Variants in CNTN4 observed in about 807,000 individuals in gnomAD.
The protein encoded by CNTN4 is contactin-4.
A neutral mutation model predicts 122.5 loss-of-function variants in CNTN4; 77 were observed. The observed-to-expected ratio is 0.63, with a 90% confidence interval of 0.52 to 0.76. The LOEUF is 0.76. Among genes scored for constraint, CNTN4 ranks in the 30% least tolerant of loss-of-function variants. CNTN4 has a pLI of 0.00. For missense variants in CNTN4, 1,256 were observed against 1,259.1 expected (o/e 1.00, Z 0.04); for synonymous variants, 512 against 447.0 (o/e 1.15, Z -1.83).
chr3:2,512,780 C>T (rs921806764), intron 3 of CNTN4, among the ~76,000 whole-genome samples: 2 of 152,158 alleles, frequency 1.3e-5, no homozygotes, highest in African/African-American at 4.8e-5. Flanking sequence ...GAGCTTGAGA[C>T]CATGGAGCCT....
rs1477969735 is a variant in CNTN4 at position 2,260,250 on chromosome 3, T to C, written c.-144-78928T>C. Among the ~76,000 whole-genome samples the C allele has an allele frequency of 2.6e-5, 4 of 152,034 alleles. No homozygotes were observed. The East Asian group carries it at 7.7e-4, about 29-fold the overall frequency. On this transcript the variant is annotated intron_variant, in intron 2 of 24. Coordinates refer to ENST00000418658, the MANE Select transcript of CNTN4 (RefSeq NM_175607.3). ...GGTGATTGTTTGTTGCAGGAGGGTG[T>C]CCTGCGCATTATAGGAAGTTCAGCA... is the stretch of plus-strand genomic sequence containing the variant.
chr3:2,497,254 C>A (rs1473584974), intron 3 of CNTN4, among the ~76,000 whole-genome samples: 1 of 152,072 alleles, frequency 6.6e-6, no homozygotes, highest in East Asian at 1.9e-4. Flanking sequence ...CTTCTCACTA[C>A]AACCTTTAAT....
intron 3 of CNTN4, among the ~76,000 whole-genome samples, chr3:2,480,927 A>G (rs1478807269): frequency 3.3e-5 from 5 of 152,218 alleles, no homozygotes; most frequent in Non-Finnish European, 7.3e-5. Flanking sequence ...GAGCCCAGAA[A>G]TATATCCACA....
chr3:2,806,931 TC>T (rs10707914), intron 6 of CNTN4, among the ~76,000 whole-genome samples: 2,014 of 152,298 alleles, frequency 0.013, 39 homozygotes, highest in African/African-American at 0.046. Flanking sequence ...CATATTAACA[TC>T]CCCTATCCGG....
chr3:3,046,143 T>C (rs1687029800), intron 23 of CNTN4, among the ~76,000 whole-genome samples: 1 of 152,216 alleles, frequency 6.6e-6, no homozygotes, highest in Non-Finnish European at 1.5e-5. Context: ...AGACCAAATC[T>C]ACGTCTGATT....
intron 6 of CNTN4, among the ~76,000 whole-genome samples, chr3:2,806,326 T>C (rs545654371): frequency 6.6e-6 from 1 of 152,324 alleles, no homozygotes; most frequent in East Asian, 1.9e-4. Context: ...ATTGTAAACG[T>C]CTTGAGATCA....
At chr3:2,381,426 G>T (rs886896280) in intron 3 of CNTN4, among the ~76,000 whole-genome samples, 1 of 152,162 alleles carries the variant, frequency 6.6e-6, no homozygotes, top group Non-Finnish European at 1.5e-5. Flanking sequence ...ATCAGATCAA[G>T]TTTCACCTTC....
chr3:2,926,480 C>A (rs1002886239), intron 13 of CNTN4, among the ~76,000 whole-genome samples: 3 of 152,116 alleles, frequency 2.0e-5, no homozygotes, highest in African/African-American at 7.2e-5. Context: ...TTGGCTGTCA[C>A]CCCTGTAAAA....
In CNTN4 at chr3:2,241,878, C is replaced by T. The variant is rs550366180; in HGVS notation, c.-144-97300C>T. 2.6e-5 allele frequency among the ~76,000 whole-genome samples: 4 copies of T among 152,144 alleles called. No individual in the cohort carries two copies. The South Asian group carries it at 6.2e-4, about 24-fold the overall frequency. ...GAGTGTTGTGTTTGCGGTGGGTGGG[C>T]CAATTATTTCTGTTCCTTTTCAAAG... is the stretch of plus-strand genomic sequence containing the variant. On this transcript the variant is annotated intron_variant, in intron 2 of 24. Coordinates refer to ENST00000418658, the MANE Select transcript of CNTN4 (RefSeq NM_175607.3).
At chr3:2,306,332 A>G (rs1016891736) in intron 2 of CNTN4, among the ~76,000 whole-genome samples, 5 of 152,176 alleles carry the variant, frequency 3.3e-5, no homozygotes, top group Admixed American at 2.0e-4. Flanking sequence ...TTTTTTAACT[A>G]TAGTCATCTA....
intron 6 of CNTN4, among the ~76,000 whole-genome samples, chr3:2,768,966 G>A: frequency 6.6e-6 from 1 of 152,270 alleles, no homozygotes; most frequent in East Asian, 1.9e-4. Flanking sequence ...TTGACTTCAA[G>A]TCTTGAAGTC....
chr3:3,033,963 C>G (rs1172924996), intron 16 of CNTN4, among the ~76,000 whole-genome samples: 2 of 152,222 alleles, frequency 1.3e-5, no homozygotes, highest in East Asian at 1.9e-4. Flanking sequence ...TCTTTAGTAT[C>G]TAGCCTAATT....
At chr3:2,128,409 A>G (rs145418554) in intron 2 of CNTN4, among the ~76,000 whole-genome samples, 5 of 152,300 alleles carry the variant, frequency 3.3e-5, no homozygotes, top group African/African-American at 1.2e-4. Context: ...AAGAATTATC[A>G]TTACTGTTTT....
chr3:3,039,254 C>A (rs1367217240), intron 19 of CNTN4: 10 of 403,688 alleles, frequency 2.5e-5, no homozygotes, highest in Middle Eastern at 7.0e-4. Context: ...ACACACGTTA[C>A]AAAAAAAAAT....
At chr3:2,505,232 A>C (rs923749935) in intron 3 of CNTN4, among the ~76,000 whole-genome samples, 9 of 152,192 alleles carry the variant, frequency 5.9e-5, no homozygotes, top group Admixed American at 5.9e-4. Context: ...TCTAAAAATG[A>C]GTATGACAGA....
At chr3:3,012,878 G>C (rs989760605) in intron 14 of CNTN4, among the ~76,000 whole-genome samples, 1 of 151,600 alleles carries the variant, frequency 6.6e-6, no homozygotes, top group African/African-American at 2.4e-5. Flanking sequence ...TGAGGCGAGA[G>C]AATTGCTTGA....
At chr3:2,746,891 T>C (rs1236522143) in intron 6 of CNTN4, among the ~76,000 whole-genome samples, 1 of 152,184 alleles carries the variant, frequency 6.6e-6, no homozygotes, top group African/African-American at 2.4e-5. Context: ...AGAACCAAAG[T>C]GTTTCTTTCT....
At chr3:2,788,468 A>G (rs1161981932) in intron 6 of CNTN4, among the ~76,000 whole-genome samples, 1 of 152,260 alleles carries the variant, frequency 6.6e-6, no homozygotes, top group Admixed American at 6.5e-5. Flanking sequence ...CCCATTCACA[A>G]CATTCTTACT....
Position 2,201,945 on chromosome 3 carries a change from G to A in CNTN4, c.-145+101306G>A, listed in dbSNP as rs181744460. On this transcript the variant is annotated intron_variant, in intron 2 of 24. Coordinates refer to ENST00000418658, the MANE Select transcript of CNTN4 (RefSeq NM_175607.3). ...TCTTTTCCCAATCCTTCTCAAACTC[G>A]TCTACACTTCCCACATATAAAATAA... 9.3e-5 allele frequency among the ~76,000 whole-genome samples: 14 copies of A among 151,106 alleles called. No homozygotes were observed. The East Asian group carries it at 1.4e-3, about 15-fold the overall frequency.
Sources: gnomAD v4.1 joint callset for allele counts (sites outside exome capture counted in the v4.1 genomes callset) on GRCh38, gnomAD v4.1.1 for gene constraint, MANE v1.5 for transcripts, NCBI Gene and HGNC (gene_info 2026-07-23, HGNC 2026-07-21) for gene names.